BMP2K: variants seen among roughly 807,000 people sequenced by gnomAD.
BMP2K encodes BMP2 inducible kinase.
Under a neutral mutation model 116.0 loss-of-function variants are expected in BMP2K, and 74 were observed. The ratio of observed to expected loss-of-function variants is 0.64; its 90% CI spans 0.53 to 0.77. The LOEUF is 0.77. Among genes scored for constraint, BMP2K ranks in the 30% least tolerant of loss-of-function variants. The pLI, the probability that BMP2K is intolerant of heterozygous loss-of-function variation, is 0.00. For missense variants in BMP2K, 1,365 were observed against 1,403.6 expected (o/e 0.97, Z 0.44); for synonymous variants, 486 against 502.5 (o/e 0.97, Z 0.44).
rs1728727897 is a variant in BMP2K at position 78,804,519 on chromosome 4, CA to C, written c.179-21517del. Reference sequence around the variant, plus strand: ...TTTTTGAGGACCTACTATATTTTTCCATAATGGTTGCACAATTTTAATTTCC... The same window carrying C: ...TTTTTGAGGACCTACTATATTTTTCCTAATGGTTGCACAATTTTAATTTCC... On this transcript the variant is annotated intron_variant, in intron 1 of 15. Transcript: ENST00000502613. 2.0e-5 allele frequency among the ~76,000 whole-genome samples: 3 copies of C among 152,120 alleles called. No homozygotes were observed. The South Asian group carries it at 6.2e-4, about 32-fold the overall frequency.
intron 1 of BMP2K, among the ~76,000 whole-genome samples, chr4:78,819,518 A>C (rs1275543406): frequency 6.6e-6 from 1 of 152,186 alleles, no homozygotes; most frequent in East Asian, 1.9e-4. Flanking sequence ...AAGTATAAGG[A>C]AACTGGGGCT....
At chr4:78,808,125 G>A (rs1728910885) in intron 1 of BMP2K, among the ~76,000 whole-genome samples, 1 of 151,956 alleles carries the variant, frequency 6.6e-6, no homozygotes, top group South Asian at 2.1e-4. Context: ...TGTGATCTTG[G>A]CTCACTGCAA....
intron 1 of BMP2K, among the ~76,000 whole-genome samples, chr4:78,796,442 C>T (rs1004108935): frequency 4.0e-5 from 6 of 150,836 alleles, no homozygotes; most frequent in South Asian, 2.1e-4. Flanking sequence ...TGCTAGATGA[C>T]GAGTTAGTGG....
rs61263566 is a variant in BMP2K at position 78,800,384 on chromosome 4, G to A, written c.178+23663G>A. On this transcript the variant is annotated intron_variant, in intron 1 of 15. Coordinates refer to ENST00000502613, the MANE Select transcript of BMP2K (RefSeq NM_198892.2). Reference sequence around the variant, plus strand: ...TAGTGATACAGGATAGTGGTCAGGAGGAGTTAACAAAGCCCATATGGCACA... The same window carrying A: ...TAGTGATACAGGATAGTGGTCAGGAAGAGTTAACAAAGCCCATATGGCACA... Among the ~76,000 whole-genome samples the A allele has an allele frequency of 1.9e-3, 295 of 152,238 alleles. 1 individual carries two copies. The highest frequency in any genetic ancestry group is 6.4e-3 in the African/African-American group (268 of 41,554).
At chr4:78,785,709 A>C (rs1478085258) in intron 1 of BMP2K, among the ~76,000 whole-genome samples, 1 of 152,224 alleles carries the variant, frequency 6.6e-6, no homozygotes, top group Non-Finnish European at 1.5e-5. Flanking sequence ...GTTTACAGAT[A>C]CAAAGTTTAC....
At chr4:78,877,212 A>G (rs1392788178) in intron 13 of BMP2K, among the ~76,000 whole-genome samples, 1 of 152,098 alleles carries the variant, frequency 6.6e-6, no homozygotes, top group Non-Finnish European at 1.5e-5. Context: ...CTTAGAACAC[A>G]CTAAATTTAT....
intron 2 of BMP2K, among the ~76,000 whole-genome samples, chr4:78,831,951 A>G (rs1429802853): frequency 6.6e-6 from 1 of 152,150 alleles, no homozygotes; most frequent in East Asian, 1.9e-4. Context: ...GCACAGACAC[A>G]GGTGCATATA....
At chr4:78,838,194 CG>C (rs966089060) in intron 3 of BMP2K, among the ~76,000 whole-genome samples, 26 of 152,138 alleles carry the variant, frequency 1.7e-4, no homozygotes, top group African/African-American at 6.3e-4. Flanking sequence ...TTAAAACCAT[CG>C]GATGTCGTGA....
intron 2 of BMP2K, among the ~76,000 whole-genome samples, chr4:78,829,788 T>TTCTTTTCTTTTCTTTTCTTTTC (rs1225884740): frequency 1.2e-4 from 7 of 59,242 alleles, no homozygotes; most frequent in African/African-American, 3.3e-4. Flanking sequence ...TTCTTTTCTT[T>TTCTTTTCTTTTCTTTTCTTTTC]TCTCTTCTCT....
intron 13 of BMP2K, among the ~76,000 whole-genome samples, chr4:78,873,656 CTCTGTGTG>C (rs1268353899): frequency 5.8e-5 from 8 of 138,192 alleles, no homozygotes; most frequent in African/African-American, 2.0e-4. Flanking sequence ...GCCTCCCAAC[CTCTGTGTG>C]TGTGTGTGTG....
intron 2 of BMP2K, among the ~76,000 whole-genome samples, chr4:78,832,572 A>G (rs1292378208): frequency 1.3e-5 from 2 of 152,158 alleles, no homozygotes; most frequent in African/African-American, 4.8e-5. Context: ...ATTTACCTCA[A>G]GATGATGGAG....
chr4:78,801,484 G>T (rs1353542046), intron 1 of BMP2K, among the ~76,000 whole-genome samples: 2 of 152,044 alleles, frequency 1.3e-5, no homozygotes, highest in Non-Finnish European at 2.9e-5. Context: ...CAGTCGCTAT[G>T]TATTGTTTTG....
intron 1 of BMP2K, among the ~76,000 whole-genome samples, 192 bp from the exon 2 acceptor site, chr4:78,825,845 T>C (rs956465324): frequency 3.9e-5 from 6 of 152,246 alleles, no homozygotes; most frequent in Admixed American, 1.3e-4. Flanking sequence ...CATATTTTCC[T>C]CTAAGTACTA....
intron 1 of BMP2K, among the ~76,000 whole-genome samples, chr4:78,795,322 A>C (rs1439502093): frequency 6.6e-6 from 1 of 152,198 alleles, no homozygotes; most frequent in Non-Finnish European, 1.5e-5. Flanking sequence ...CTAATTATCT[A>C]ACTGTTGTGA....
chr4:78,851,795 AGT>A (rs1420238932), intron 7 of BMP2K, among the ~76,000 whole-genome samples: 1 of 152,130 alleles, frequency 6.6e-6, no homozygotes, highest in Non-Finnish European at 1.5e-5. Flanking sequence ...GAAGAAAATA[AGT>A]GTGAAATTAT....
chr4:78,875,742 A>C (rs1365585879), intron 13 of BMP2K, among the ~76,000 whole-genome samples: 2 of 152,352 alleles, frequency 1.3e-5, no homozygotes, highest in African/African-American at 2.4e-5. Flanking sequence ...TAGTTCACTC[A>C]CATGGCTTTG....
At position 78,886,802 on chromosome 4, in the gene BMP2K, A is replaced by G. The variant is rs77576545; in HGVS notation, c.1952-372A>G. Among the ~76,000 whole-genome samples the G allele has an allele frequency of 7.0e-3, 1,068 of 152,306 alleles. 4 individuals carry two copies. Among genetic ancestry groups the G allele is most frequent in the African/African-American group, 0.016 (679 of 41,572 alleles). ...CTTTATGGATGAATGACCATTTGCA[A>G]GATTTTTTCTAAATTTATTTTTGGA... On this transcript the variant is annotated intron_variant, in intron 14 of 15. Coordinates refer to ENST00000502613, the MANE Select transcript of BMP2K (RefSeq NM_198892.2).
At chr4:78,894,422 T>C (rs1733596106) in intron 15 of BMP2K, among the ~76,000 whole-genome samples, 1 of 152,230 alleles carries the variant, frequency 6.6e-6, no homozygotes, top group Non-Finnish European at 1.5e-5. Flanking sequence ...CTGCGTTACC[T>C]GTACTTACAT....
Position 78,900,552 on chromosome 4 carries a change from G to GTGA in BMP2K, c.2063-10056_2063-10054dup, listed in dbSNP as rs760399367. On this transcript the variant is annotated intron_variant, in intron 15 of 15. Coordinates refer to ENST00000502613, the MANE Select transcript of BMP2K (RefSeq NM_198892.2). Reference sequence around the variant, plus strand: ...ACTGGGAATAGCTGTAAATAGGTTTGTGATAGGGAATTAAGGATAATTCAT... The same window carrying GTGA: ...ACTGGGAATAGCTGTAAATAGGTTTGTGATGATAGGGAATTAAGGATAATTCAT... 2.6e-4 allele frequency among the ~76,000 whole-genome samples: 39 copies of GTGA among 152,320 alleles called. No individual in the cohort carries two copies. The South Asian group carries it at 3.1e-3, about 12-fold the overall frequency.
Sources: gnomAD v4.1 joint callset for allele counts (sites outside exome capture counted in the v4.1 genomes callset) on GRCh38, gnomAD v4.1.1 for gene constraint, MANE v1.5 for transcripts, NCBI Gene and HGNC (gene_info 2026-07-23, HGNC 2026-07-21) for gene names.